The following DENND6A variants were observed in gnomAD, a reference collection of about 807,000 sequenced individuals.
DENND6A encodes protein DENND6A.
A neutral mutation model predicts 95.5 loss-of-function variants in DENND6A; 43 were observed. That is an observed-to-expected ratio of 0.45 (90% CI 0.35 to 0.58). The LOEUF is 0.58. Among genes scored for constraint, DENND6A ranks in the 20% least tolerant of loss-of-function variants. DENND6A has a pLI of 0.00. For synonymous variants in DENND6A, 257 were observed against 260.4 expected, an observed-to-expected ratio of 0.99 and a Z score of 0.13; for missense variants, 574 against 736.0, an observed-to-expected ratio of 0.78 and a Z score of 2.55.
chr3:57,632,649 A>G (rs1247826979), intron 15 of DENND6A, among the ~76,000 whole-genome samples: 1 of 152,218 alleles, frequency 6.6e-6, no homozygotes, highest in Non-Finnish European at 1.5e-5. Flanking sequence ...CTTTATATTA[A>G]TAACTGCAAA....
chr3:57,647,324 A>G (rs188512534), intron 9 of DENND6A, among the ~76,000 whole-genome samples: 12 of 152,312 alleles, frequency 7.9e-5, no homozygotes, highest in African/African-American at 2.6e-4. Flanking sequence ...CTCATGGGTA[A>G]GGCAAAGGAG....
At position 57,630,969 on chromosome 3, in the gene DENND6A, C is replaced by T. The variant is rs760881976; in HGVS notation, c.1363G>A (p.Val455Met). 2 of 1,612,994 alleles carry T rather than the reference C, an allele frequency of 1.2e-6. No individual in the cohort carries two copies. The highest frequency in any genetic ancestry group is 1.1e-5 in the South Asian group (1 of 90,750). Residue 455 changes from valine to methionine, a missense_variant, in exon 16 of 20, where the codon GTG becomes ATG. By Grantham distance (21) the Val-to-Met change is conservative. Around this residue, in one of 2 missense-constraint regions of DENND6A, gnomAD observed 452 missense variants for 630.9 expected, o/e 0.72. Transcript: ENST00000311128. ...QSFIIPLERY[V>M]ASLMPLQKSI... ...TTCTGCAAAGGCATCAAGCTTGCCA[C>T]ATATCTTTCCTAAAACCAAGAAAAA...
Position 57,628,853 on chromosome 3 carries a change from T to C in DENND6A, c.1653A>G (p.Glu551=). 6.2e-7 allele frequency: 1 copy of C among 1,613,156 alleles called. No individual in the cohort carries two copies. The highest frequency in any genetic ancestry group is 1.7e-5 in the Admixed American group (1 of 59,674). ...TCAAGACAAGGTCTACTGTTTCTAC[T>C]TCTGTGTGTTTCTGGATCCAGAGAA... ...DLLLWIQKHT[E]VETVDLVLKL... is the part of the protein sequence containing the mutation. Residue 551 remains glutamate, a synonymous_variant, in exon 19 of 20, where the codon GAA becomes GAG. Transcript: ENST00000311128.
At chr3:57,673,584 A>G (rs2153416540) in intron 1 of DENND6A, among the ~76,000 whole-genome samples, 1 of 152,354 alleles carries the variant, frequency 6.6e-6, no homozygotes, top group Non-Finnish European at 1.5e-5. Context: ...TAGAACTGGA[A>G]TGTTCCCAAC....
At chr3:57,647,378 C>G (rs2071101897) in intron 9 of DENND6A, among the ~76,000 whole-genome samples, 1 of 152,106 alleles carries the variant, frequency 6.6e-6, no homozygotes. Context: ...TAAAGCAGAA[C>G]ATGGTAGGTA....
At chr3:57,678,009 A>T (rs1293601321) in intron 1 of DENND6A, among the ~76,000 whole-genome samples, 1 of 152,194 alleles carries the variant, frequency 6.6e-6, no homozygotes, top group African/African-American at 2.4e-5. Context: ...CTACTCAGCC[A>T]TTTTTGTCAA....
In DENND6A at chr3:57,657,618, T is replaced by C. The variant is rs569479287; in HGVS notation, c.818+62A>G. The C allele has an allele frequency of 1.8e-4, 204 of 1,112,428 alleles. No homozygotes were observed. In the African/African-American group the frequency reaches 3.0e-3, roughly 16 times the overall value. 68.9% of individuals were successfully genotyped at this position (1,112,428 alleles called of 1,614,324 possible). ...TCCTATATAATATTCATTTTTTAAA[T>C]AAATTAACACCACCACCACAAAGCA... is the stretch of plus-strand genomic sequence containing the variant. On this transcript the variant is annotated intron_variant, in intron 9 of 19. Transcript: ENST00000311128.
intron 1 of DENND6A, among the ~76,000 whole-genome samples, chr3:57,681,520 A>T (rs2077165176): frequency 6.6e-6 from 1 of 151,146 alleles, no homozygotes; most frequent in Non-Finnish European, 1.5e-5. Flanking sequence ...GCTACTCAGG[A>T]GGCTGAGGCA....
intron 19 of DENND6A, among the ~76,000 whole-genome samples, chr3:57,628,588 A>G (rs1575807631): frequency 6.6e-6 from 1 of 152,228 alleles, no homozygotes. Context: ...GTTTTTATAG[A>G]GCTTATTAGA....
chr3:57,671,996 G>C (rs2071625509), intron 3 of DENND6A, among the ~76,000 whole-genome samples: 1 of 152,114 alleles, frequency 6.6e-6, no homozygotes, highest in Non-Finnish European at 1.5e-5. Context: ...ATATACCAAT[G>C]TCGCTGATTT....
At position 57,626,788 on chromosome 3, in the gene DENND6A, C is replaced by A. The variant is rs1445381961; in HGVS notation, c.*1426G>T. The A allele has an allele frequency of 1.3e-5, 2 of 152,292 alleles. No homozygotes were observed. Among genetic ancestry groups the A allele is most frequent in the African/African-American group, 2.4e-5 (1 of 41,382 alleles). 9.4% of individuals were successfully genotyped at this position (152,292 alleles called of 1,614,324 possible). A position where few individuals can be genotyped will look rare whatever the true frequency, so the allele number is the denominator to read the frequency against. On this transcript the variant is annotated 3_prime_UTR_variant, in exon 20 of 20. Transcript: ENST00000311128. Reference sequence around the variant, plus strand: ...CAACCCTACTCTACCAAATCACATTCTTCTATTTTTGGCAAGGTAGTATTG... The same window carrying A: ...CAACCCTACTCTACCAAATCACATTATTCTATTTTTGGCAAGGTAGTATTG...
At position 57,637,281 on chromosome 3, in the gene DENND6A, G is replaced by A. The variant is rs185285861; in HGVS notation, c.1133-2512C>T. 5.2e-3 allele frequency among the ~76,000 whole-genome samples: 798 copies of A among 152,274 alleles called. 3 individuals carry two copies. The highest frequency in any genetic ancestry group is 0.01 in the Middle Eastern group (3 of 294). ...GATTAATGAGTGCCCTATTAAGACAGGTTGTTAGCTCTGTCATAACTAGAC... is the reference window on the plus strand; with the variant it reads ...GATTAATGAGTGCCCTATTAAGACAAGTTGTTAGCTCTGTCATAACTAGAC... On this transcript the variant is annotated intron_variant, in intron 12 of 19. Transcript: ENST00000311128.
intron 9 of DENND6A, among the ~76,000 whole-genome samples, chr3:57,647,320 G>A (rs1330713300): frequency 6.6e-6 from 1 of 152,108 alleles, no homozygotes; most frequent in African/African-American, 2.4e-5. Flanking sequence ...ACAGCTCATG[G>A]GTAAGGCAAA....
intron 1 of DENND6A, among the ~76,000 whole-genome samples, chr3:57,685,767 T>C (rs2077206767): frequency 6.6e-6 from 1 of 152,200 alleles, no homozygotes; most frequent in South Asian, 2.1e-4. Flanking sequence ...CTTTAATGTT[T>C]GCTCTTGGCA....
rs371502725 is a variant in DENND6A at position 57,636,552 on chromosome 3, C to T, written c.1133-1783G>A. The stretch of plus-strand genomic sequence containing the variant: ...GGATAGAATTATGAACAAGATACTA[C>T]GGAGACACAGAAGAGTGTCCTGGCC... On this transcript the variant is annotated intron_variant, in intron 12 of 19. Coordinates refer to ENST00000311128, the MANE Select transcript of DENND6A (RefSeq NM_152678.3). Among the ~76,000 whole-genome samples, 39 of 152,166 alleles carry T rather than the reference C, an allele frequency of 2.6e-4. No individual in the cohort carries two copies. In the East Asian group the frequency reaches 2.9e-3, roughly 11 times the overall value.
intron 12 of DENND6A, among the ~76,000 whole-genome samples, chr3:57,641,310 T>C (rs1387138931): frequency 6.9e-6 from 1 of 144,134 alleles, no homozygotes; most frequent in Non-Finnish European, 1.5e-5. Flanking sequence ...TAAATATATA[T>C]TTATATTCAA....
In DENND6A at chr3:57,631,209, T is replaced by C. The variant is rs1410781667; in HGVS notation, c.1354-231A>G. On this transcript the variant is annotated intron_variant, in intron 15 of 19. Coordinates refer to ENST00000311128, the MANE Select transcript of DENND6A (RefSeq NM_152678.3). The stretch of plus-strand genomic sequence containing the variant: ...TAAACCAAGGGGACTACATTTTTTC[T>C]TTTTTGAGACAGAGCCTTGTTCTGT... 1.7e-5 allele frequency: 8 copies of C among 479,396 alleles called. No homozygotes were observed. The East Asian group carries it at 3.0e-4, about 18-fold the overall frequency. The allele number at this position is 479,396 out of a possible 1,614,324, so 29.7% of individuals were successfully genotyped here.
At chr3:57,635,872 C>T (rs539227398) in intron 12 of DENND6A, among the ~76,000 whole-genome samples, 1 of 152,116 alleles carries the variant, frequency 6.6e-6, no homozygotes, top group East Asian at 1.9e-4. Context: ...GTTAGCAAGA[C>T]CATTCCCTCC....
chr3:57,677,978 T>C (rs1291656090), intron 1 of DENND6A, among the ~76,000 whole-genome samples: 1 of 152,170 alleles, frequency 6.6e-6, no homozygotes, highest in Non-Finnish European at 1.5e-5. Context: ...ATCTTTAATA[T>C]CCAACCATCT....
Sources: allele counts gnomAD v4.1 joint callset (sites outside exome capture counted in the v4.1 genomes callset), GRCh38; gene constraint gnomAD v4.1.1; regional missense constraint gnomAD v4.1.1; transcripts MANE v1.5; gene names NCBI Gene and HGNC (gene_info 2026-07-23, HGNC 2026-07-21).